Variants in SLC24A3 observed in about 807,000 individuals in gnomAD.
The protein encoded by SLC24A3 is solute carrier family 24 member 3, also known as sodium/potassium/calcium exchanger 3.
In SLC24A3, 28 loss-of-function variants were observed where a neutral mutation model predicts 75.8. The observed-to-expected ratio is 0.37, with a 90% CI of 0.27 to 0.51. The LOEUF is 0.51. Ranked by LOEUF, SLC24A3 falls within the 20% of genes least tolerant of loss-of-function variation. SLC24A3 has a pLI of 0.94. For missense variants in SLC24A3, 663 were observed against 847.8 expected (o/e 0.78, Z 2.71); for synonymous variants, 372 against 334.1 (o/e 1.11, Z -1.24).
At chr20:19,359,111 A>G (rs935960549) in intron 2 of SLC24A3, among the ~76,000 whole-genome samples, 1 of 152,176 alleles carries the variant, frequency 6.6e-6, no homozygotes, top group Admixed American at 6.5e-5. Flanking sequence ...GAACACCTGA[A>G]TTTACTTCTT....
rs184164185 is a variant in SLC24A3, at chr20:19,372,018, A to T, written c.271+90931A>T. Among the ~76,000 whole-genome samples the T allele has an allele frequency of 8.7e-4, 133 of 152,308 alleles. 1 individual carries two copies. Among genetic ancestry groups the T allele is most frequent in the African/African-American group, 3.1e-3 (128 of 41,570 alleles). On this transcript the variant is annotated intron_variant, in intron 2 of 16. Transcript: ENST00000328041. ...CCCAGACCAGACCCAGGGCTTCTATATCATAGAGAAAAAGTATACATGCCT... is the reference window on the plus strand; with the variant it reads ...CCCAGACCAGACCCAGGGCTTCTATTTCATAGAGAAAAAGTATACATGCCT...
chr20:19,225,704 C>T (rs772430661), intron 1 of SLC24A3, among the ~76,000 whole-genome samples: 4 of 152,106 alleles, frequency 2.6e-5, no homozygotes, highest in Non-Finnish European at 5.9e-5. Flanking sequence ...TCTTTTGAAA[C>T]AGGCTTTTTT....
intron 2 of SLC24A3, among the ~76,000 whole-genome samples, chr20:19,407,262 A>C (rs1986663900): frequency 6.6e-6 from 1 of 152,200 alleles, no homozygotes; most frequent in Non-Finnish European, 1.5e-5. Flanking sequence ...AGCAGCACTA[A>C]GAGGATGGCG....
At chr20:19,341,457 G>C (rs1255703676) in intron 2 of SLC24A3, among the ~76,000 whole-genome samples, 1 of 152,182 alleles carries the variant, frequency 6.6e-6, no homozygotes, top group South Asian at 2.1e-4. Flanking sequence ...GGTGTGTTCT[G>C]GAGGGATTCT....
intron 2 of SLC24A3, among the ~76,000 whole-genome samples, chr20:19,338,096 T>C (rs1350644503): frequency 6.6e-6 from 1 of 152,186 alleles, no homozygotes; most frequent in African/African-American, 2.4e-5. Flanking sequence ...TGTAATTATC[T>C]ATCACATTGG....
intron 2 of SLC24A3, among the ~76,000 whole-genome samples, chr20:19,408,123 T>C (rs753936024): frequency 2.6e-5 from 4 of 152,214 alleles, no homozygotes; most frequent in Non-Finnish European, 4.4e-5. Context: ...ACTCAGAAAC[T>C]GGAGAATTTG....
chr20:19,381,973 T>TA (rs1986190780), intron 2 of SLC24A3, among the ~76,000 whole-genome samples: 1 of 152,126 alleles, frequency 6.6e-6, no homozygotes, highest in African/African-American at 2.4e-5. Flanking sequence ...CAGCTTTGGA[T>TA]AAAATGGAGC....
intron 12 of SLC24A3, among the ~76,000 whole-genome samples, chr20:19,689,869 A>G (rs2032725207): frequency 6.6e-6 from 1 of 152,000 alleles, no homozygotes; most frequent in South Asian, 2.1e-4. Context: ...CATCTCTACT[A>G]AAAATACAAA....
At chr20:19,410,091 A>T (rs1416128014) in intron 2 of SLC24A3, among the ~76,000 whole-genome samples, 3 of 152,176 alleles carry the variant, frequency 2.0e-5, no homozygotes, top group Non-Finnish European at 2.9e-5. Context: ...ATTCAATTAC[A>T]GAACAAGAAA....
At chr20:19,663,789 TC>T (rs1312361666) in intron 7 of SLC24A3, among the ~76,000 whole-genome samples, 6 of 152,070 alleles carry the variant, frequency 3.9e-5, no homozygotes, top group African/African-American at 1.4e-4. Context: ...ATTATTGTGC[TC>T]CTGTTTGGGG....
intron 1 of SLC24A3, among the ~76,000 whole-genome samples, chr20:19,255,338 G>A (rs1291553341): frequency 6.6e-6 from 1 of 152,230 alleles, no homozygotes; most frequent in Non-Finnish European, 1.5e-5. Context: ...CTCTCTTTAG[G>A]ATGATCGTGG....
At chr20:19,590,243 T>G (rs1446940020) in intron 6 of SLC24A3, among the ~76,000 whole-genome samples, 1 of 151,950 alleles carries the variant, frequency 6.6e-6, no homozygotes, top group Admixed American at 6.6e-5. Flanking sequence ...TCAGATGGCA[T>G]CTCCCACAGC....
At chr20:19,397,107 T>C (rs1418746548) in intron 2 of SLC24A3, among the ~76,000 whole-genome samples, 2 of 152,226 alleles carry the variant, frequency 1.3e-5, no homozygotes, top group Admixed American at 6.5e-5. Flanking sequence ...TGCGTTTGCA[T>C]TTCAACCCCA....
intron 2 of SLC24A3, among the ~76,000 whole-genome samples, chr20:19,497,666 C>T (rs1400508446): frequency 6.6e-6 from 1 of 152,144 alleles, no homozygotes; most frequent in African/African-American, 2.4e-5. Context: ...AGGAAGGACA[C>T]TTGCCTCAGA....
At chr20:19,613,277 CA>C (rs1568672885) in intron 6 of SLC24A3, among the ~76,000 whole-genome samples, 1 of 152,194 alleles carries the variant, frequency 6.6e-6, no homozygotes, top group Admixed American at 6.5e-5. Flanking sequence ...ACAGCTTTAT[CA>C]ATTTTGTTTC....
intron 2 of SLC24A3, among the ~76,000 whole-genome samples, chr20:19,303,403 G>A (rs1477782011): frequency 1.3e-5 from 2 of 152,162 alleles, no homozygotes; most frequent in Non-Finnish European, 2.9e-5. Flanking sequence ...TCTTTAACCA[G>A]TCTACCGTTG....
chr20:19,579,152 G>T (rs1309910824), intron 3 of SLC24A3, among the ~76,000 whole-genome samples: 5 of 152,216 alleles, frequency 3.3e-5, no homozygotes, highest in Non-Finnish European at 5.9e-5. Flanking sequence ...TCCACATGGG[G>T]CATGGTGGAT....
At chr20:19,678,952 G>A (rs1186200325) in intron 9 of SLC24A3, among the ~76,000 whole-genome samples, 30 of 151,490 alleles carry the variant, frequency 2.0e-4, no homozygotes, top group Admixed American at 1.6e-3. Flanking sequence ...ATGGGAGGCC[G>A]GGCAGAGACG....
rs564518981 is a variant in SLC24A3, at chr20:19,353,864, G to T, written c.271+72777G>T. Reference sequence around the variant, plus strand: ...TGAAGACTCTGGACTCTAATATATGGTTGATGGACATGTAAGATGGTGCAG... The same window carrying T: ...TGAAGACTCTGGACTCTAATATATGTTTGATGGACATGTAAGATGGTGCAG... On this transcript the variant is annotated intron_variant, in intron 2 of 16. Transcript: ENST00000328041. Among the ~76,000 whole-genome samples, 251 of 152,270 alleles carry T rather than the reference G, an allele frequency of 1.6e-3. 1 individual carries two copies. The highest frequency in any genetic ancestry group is 3.0e-3 in the Non-Finnish European group (205 of 68,026).
Sources: gnomAD v4.1 joint callset for allele counts (sites outside exome capture counted in the v4.1 genomes callset) on GRCh38, gnomAD v4.1.1 for gene constraint, MANE v1.5 for transcripts, NCBI Gene and HGNC (gene_info 2026-07-23, HGNC 2026-07-21) for gene names.